The following PTPRD variants were observed in gnomAD, a reference collection of about 807,000 sequenced individuals.
PTPRD encodes the protein protein tyrosine phosphatase receptor type D.
In PTPRD, 34 loss-of-function variants were observed where a neutral mutation model predicts 214.5. The observed-to-expected ratio is 0.16, with a 90% CI of 0.12 to 0.21. The LOEUF is 0.21. Ranked by LOEUF, PTPRD falls within the 10% of genes least tolerant of loss-of-function variation. The pLI is 1.00. For missense variants in PTPRD, 2,545 were observed against 2,398.7 expected (o/e 1.06, Z -1.27); for synonymous variants, 1,128 against 845.7 (o/e 1.33, Z -5.79).
chr9:10,612,375 AGAC>A lies in PTPRD; in HGVS notation c.-600+20_-600+22del, dbSNP rs140168609. Reference sequence around the variant, plus strand: ...ATATGCTTCACTTTAGAGAAAAGAAAGACAGAAGCACAGTTTACTTACTAAAGC... The same window carrying A: ...ATATGCTTCACTTTAGAGAAAAGAAAAGAAGCACAGTTTACTTACTAAAGC... On this transcript the variant is annotated intron_variant, in intron 2 of 45. Transcript: ENST00000381196. 0.059 allele frequency: 9,006 copies of A among 152,276 alleles called. 356 individuals carry two copies. The highest frequency in any genetic ancestry group is 0.11 in the African/African-American group (4,619 of 41,526). 9.4% of individuals were successfully genotyped at this position (152,276 alleles called of 1,614,324 possible).
At chr9:9,596,527 T>C (rs1034612791) in intron 7 of PTPRD, among the ~76,000 whole-genome samples, 2 of 152,030 alleles carry the variant, frequency 1.3e-5, no homozygotes, top group African/African-American at 4.8e-5. Context: ...CACTATCATC[T>C]GATATATCAT....
At chr9:9,955,473 A>G (rs764105694) in intron 4 of PTPRD, among the ~76,000 whole-genome samples, 1 of 151,866 alleles carries the variant, frequency 6.6e-6, no homozygotes, top group Non-Finnish European at 1.5e-5. Context: ...CATTGGCCAC[A>G]ACATTGAACT....
At chr9:9,766,259 A>G (rs1328589936) in intron 6 of PTPRD, among the ~76,000 whole-genome samples, 1 of 152,210 alleles carries the variant, frequency 6.6e-6, no homozygotes, top group Non-Finnish European at 1.5e-5. Flanking sequence ...CCAGTTTGAA[A>G]TAACAGGCAT....
intron 2 of PTPRD, among the ~76,000 whole-genome samples, chr9:10,572,174 T>G (rs926229685): frequency 6.6e-6 from 1 of 152,140 alleles, no homozygotes; most frequent in Non-Finnish European, 1.5e-5. Flanking sequence ...ACCTGCATAG[T>G]AAAGTATAGA....
intron 12 of PTPRD, among the ~76,000 whole-genome samples, chr9:8,640,217 T>C (rs1027198585): frequency 3.3e-5 from 5 of 152,114 alleles, no homozygotes; most frequent in Admixed American, 1.3e-4. Context: ...GTGTGAGCCA[T>C]CACGACACGC....
intron 14 of PTPRD, among the ~76,000 whole-genome samples, chr9:8,605,545 C>A (rs771277331): frequency 6.6e-6 from 1 of 152,184 alleles, no homozygotes; most frequent in African/African-American, 2.4e-5. Flanking sequence ...TGGGTTTACT[C>A]TAGATGGGCT....
At chr9:9,935,035 G>A (rs902738957) in intron 5 of PTPRD, among the ~76,000 whole-genome samples, 25 of 152,110 alleles carry the variant, frequency 1.6e-4, no homozygotes, top group African/African-American at 5.8e-4. Flanking sequence ...AACCATTCAT[G>A]CTAAAAACTC....
intron 11 of PTPRD, among the ~76,000 whole-genome samples, chr9:9,005,110 A>G (rs1056046549): frequency 6.6e-6 from 1 of 152,054 alleles, no homozygotes; most frequent in African/African-American, 2.4e-5. Flanking sequence ...TAGTTTTGCT[A>G]TGGCTATAGT....
At chr9:8,428,062 G>C (rs1277183929) in intron 35 of PTPRD, among the ~76,000 whole-genome samples, 3 of 152,292 alleles carry the variant, frequency 2.0e-5, no homozygotes, top group Non-Finnish European at 1.5e-5. Flanking sequence ...CTAAAATACA[G>C]AGAGGTTCAG....
At chr9:10,188,997 A>T (rs769470984) in intron 3 of PTPRD, among the ~76,000 whole-genome samples, 1 of 152,030 alleles carries the variant, frequency 6.6e-6, no homozygotes, top group East Asian at 1.9e-4. Context: ...CATGTAGGGT[A>T]TTCCAGTTTC....
chr9:9,774,735 A>G (rs2098782909), intron 5 of PTPRD, among the ~76,000 whole-genome samples: 1 of 152,184 alleles, frequency 6.6e-6, no homozygotes, highest in Non-Finnish European at 1.5e-5. Flanking sequence ...TTTAAAAAAG[A>G]TTCTAAGTAA....
chr9:10,355,862 T>C (rs1458442090), intron 2 of PTPRD, among the ~76,000 whole-genome samples: 3 of 152,168 alleles, frequency 2.0e-5, no homozygotes, highest in East Asian at 1.9e-4. Context: ...TTTTAACTAG[T>C]ATGCGAATTT....
chr9:9,923,123 G>GTGTGTGTGTGTGTGTGT (rs1555340190), intron 5 of PTPRD, among the ~76,000 whole-genome samples: 54 of 145,058 alleles, frequency 3.7e-4, no homozygotes, highest in African/African-American at 1.3e-3. Context: ...GTGTGTGGGG[G>GTGTGTGTGTGTGTGTGT]GTGTGTGTGT....
At chr9:10,411,071 A>G (rs1232059581) in intron 2 of PTPRD, among the ~76,000 whole-genome samples, 1 of 151,752 alleles carries the variant, frequency 6.6e-6, no homozygotes, top group Non-Finnish European at 1.5e-5. Context: ...TTTGCCTGTT[A>G]CCTTTTTAAA....
At chr9:8,351,798 G>A (rs1210481250) in intron 39 of PTPRD, among the ~76,000 whole-genome samples, 1 of 142,198 alleles carries the variant, frequency 7.0e-6, no homozygotes, top group East Asian at 2.1e-4. Flanking sequence ...ATGACCCAGA[G>A]CCATGATCAC....
chr9:8,883,021 C>G (rs1275751507), intron 11 of PTPRD, among the ~76,000 whole-genome samples: 1 of 151,786 alleles, frequency 6.6e-6, no homozygotes, highest in African/African-American at 2.4e-5. Context: ...CCCACACATA[C>G]TTTTTTCCCC....
chr9:9,793,019 T>C (rs2098978077), intron 5 of PTPRD, among the ~76,000 whole-genome samples: 1 of 152,108 alleles, frequency 6.6e-6, no homozygotes, highest in Non-Finnish European at 1.5e-5. Flanking sequence ...TTGGCCCATT[T>C]ATTGTAGGCA....
intron 5 of PTPRD, among the ~76,000 whole-genome samples, chr9:9,864,294 A>T (rs1281112055): frequency 6.6e-6 from 1 of 151,930 alleles, no homozygotes; most frequent in African/African-American, 2.4e-5. Context: ...TAACAGAGTG[A>T]GACTCAGTCT....
At chr9:10,263,697 T>C (rs1403164952) in intron 3 of PTPRD, among the ~76,000 whole-genome samples, 1 of 152,170 alleles carries the variant, frequency 6.6e-6, no homozygotes, top group Non-Finnish European at 1.5e-5. Flanking sequence ...AAATCCATTT[T>C]CTGGGGAGAA....
Sources: allele counts gnomAD v4.1 joint callset (sites outside exome capture counted in the v4.1 genomes callset), GRCh38; gene constraint gnomAD v4.1.1; transcripts MANE v1.5; gene names NCBI Gene and HGNC (gene_info 2026-07-23, HGNC 2026-07-21).